Variants in LRRC4C observed in about 807,000 individuals in gnomAD.
LRRC4C encodes leucine rich repeat containing 4C.
Under a neutral mutation model 33.6 loss-of-function variants are expected in LRRC4C, and 5 were observed. The observed-to-expected ratio is 0.15, with a 90% CI of 0.08 to 0.31. The LOEUF is 0.31. Ranked by LOEUF, LRRC4C falls within the 10% of genes least tolerant of loss-of-function variation. The pLI is 1.00. For missense variants in LRRC4C, 560 were observed against 796.7 expected (o/e 0.70, Z 3.58); for synonymous variants, 329 against 302.0 (o/e 1.09, Z -0.93).
intron 3 of LRRC4C, among the ~76,000 whole-genome samples, chr11:40,499,361 C>T (rs769811304): frequency 6.6e-6 from 1 of 152,156 alleles, no homozygotes; most frequent in African/African-American, 2.4e-5. Context: ...AAGCATCCTG[C>T]TCAGCAAGTA....
Position 40,820,631 on chromosome 11 carries a change from C to T in LRRC4C, c.-407+113004G>A, listed in dbSNP as rs564077930. Among the ~76,000 whole-genome samples, 232 of 151,876 alleles carry T rather than the reference C, an allele frequency of 1.5e-3. 2 individuals carry two copies. The highest frequency in any genetic ancestry group is 5.4e-3 in the African/African-American group (224 of 41,522). On this transcript the variant is annotated intron_variant, in intron 2 of 6. Transcript: ENST00000528697. ...TTATAAGTGCAGCAAAAGCATTTAA[C>T]AATATCTAACATTTATTCATTTTAA...
At chr11:40,716,554 G>A (rs2067955997) in intron 2 of LRRC4C, among the ~76,000 whole-genome samples, 3 of 152,068 alleles carry the variant, frequency 2.0e-5, no homozygotes, top group Admixed American at 1.3e-4. Flanking sequence ...GAAGTTGGAG[G>A]TATGTCAAGA....
intron 5 of LRRC4C, among the ~76,000 whole-genome samples, chr11:40,222,784 AT>A (rs773975458): frequency 1.8e-4 from 27 of 152,358 alleles, no homozygotes; most frequent in Middle Eastern, 3.4e-3. Flanking sequence ...GGCAAGCACC[AT>A]GCAGGCTTAG....
At chr11:40,394,308 C>G (rs1949453419) in intron 3 of LRRC4C, among the ~76,000 whole-genome samples, 2 of 152,082 alleles carry the variant, frequency 1.3e-5, no homozygotes, top group African/African-American at 4.8e-5. Flanking sequence ...ATCTTCCTGG[C>G]AGAATAACTT....
At chr11:40,516,021 C>T (rs1393949282) in intron 3 of LRRC4C, among the ~76,000 whole-genome samples, 2 of 151,908 alleles carry the variant, frequency 1.3e-5, no homozygotes, top group African/African-American at 2.4e-5. Context: ...GAGATTATAT[C>T]CTCAGTTACA....
intron 1 of LRRC4C, among the ~76,000 whole-genome samples, chr11:41,286,333 T>C (rs928629846): frequency 2.0e-5 from 3 of 152,294 alleles, no homozygotes; most frequent in East Asian, 3.9e-4. Context: ...AGTGCTAAAT[T>C]TGAAATTGAG....
chr11:40,733,061 G>GTTTTTTTTTTT (rs544471413), intron 2 of LRRC4C, among the ~76,000 whole-genome samples: 1 of 57,640 alleles, frequency 1.7e-5, no homozygotes, highest in African/African-American at 7.1e-5. Context: ...TATGAATATA[G>GTTTTTTTTTTT]TTTTTTTTTT....
chr11:41,094,076 C>T (rs184749986), intron 1 of LRRC4C, among the ~76,000 whole-genome samples: 58 of 151,302 alleles, frequency 3.8e-4, no homozygotes, highest in African/African-American at 1.1e-3. Context: ...GAGATCACAC[C>T]ACTGCACTCC....
chr11:40,341,466 G>A (rs1257708317), intron 3 of LRRC4C, among the ~76,000 whole-genome samples: 1 of 147,208 alleles, frequency 6.8e-6, no homozygotes, highest in African/African-American at 2.5e-5. Context: ...GTCAAACACT[G>A]CATGTTCTCA....
At chr11:41,253,265 C>A (rs1948699612) in intron 1 of LRRC4C, among the ~76,000 whole-genome samples, 2 of 152,044 alleles carry the variant, frequency 1.3e-5, no homozygotes, top group African/African-American at 4.8e-5. Context: ...TGAGTAAACA[C>A]AACCACAGAA....
chr11:40,636,852 T>C (rs923120893), intron 3 of LRRC4C, among the ~76,000 whole-genome samples: 8 of 152,178 alleles, frequency 5.3e-5, no homozygotes, highest in Non-Finnish European at 7.3e-5. Context: ...TCACTCTGTC[T>C]TCTTTGGCAA....
chr11:41,446,796 T>C (rs980848), intron 1 of LRRC4C, among the ~76,000 whole-genome samples: 150,656 of 152,212 alleles, frequency 0.99, 74,576 homozygotes, highest in Middle Eastern at 1. Context: ...TTTCTATTTA[T>C]CTCAGAGAAT....
At chr11:40,558,701 T>A (rs929981241) in intron 3 of LRRC4C, among the ~76,000 whole-genome samples, 59 of 152,326 alleles carry the variant, frequency 3.9e-4, no homozygotes, top group African/African-American at 1.1e-3. Context: ...CATGATTTTT[T>A]AAAAACTTTT....
chr11:41,212,237 T>C (rs1008507741), intron 1 of LRRC4C, among the ~76,000 whole-genome samples: 7 of 152,224 alleles, frequency 4.6e-5, no homozygotes, highest in Non-Finnish European at 1.0e-4. Context: ...AGCTATATAA[T>C]GTTTTGAAAA....
chr11:40,760,347 T>C (rs1949146906), intron 2 of LRRC4C, among the ~76,000 whole-genome samples: 1 of 150,836 alleles, frequency 6.6e-6, no homozygotes, highest in African/African-American at 2.4e-5. Context: ...AAGGGAGAAC[T>C]GAGCAGTTGC....
At chr11:41,092,766 C>T (rs984399840) in intron 1 of LRRC4C, among the ~76,000 whole-genome samples, 2 of 152,186 alleles carry the variant, frequency 1.3e-5, no homozygotes, top group African/African-American at 4.8e-5. Flanking sequence ...AATAAAGAGA[C>T]TGAGCATCCA....
chr11:41,247,063 G>A (rs1174244641), intron 1 of LRRC4C, among the ~76,000 whole-genome samples: 2 of 152,226 alleles, frequency 1.3e-5, no homozygotes, highest in Non-Finnish European at 2.9e-5. Context: ...CAGCTGAAGT[G>A]CAGGGCACAG....
intron 1 of LRRC4C, among the ~76,000 whole-genome samples, chr11:41,050,048 T>C (rs571422434): frequency 3.3e-5 from 5 of 152,316 alleles, no homozygotes; most frequent in Admixed American, 6.5e-5. Context: ...AGGCTTATTA[T>C]TACCATCTCC....
intron 3 of LRRC4C, among the ~76,000 whole-genome samples, chr11:40,560,463 TG>T: frequency 6.6e-6 from 1 of 152,098 alleles, no homozygotes; most frequent in South Asian, 2.1e-4. Flanking sequence ...TGTGTGTGTG[TG>T]TGTGTTATCT....
Sources: gnomAD v4.1 joint callset for allele counts (sites outside exome capture counted in the v4.1 genomes callset) on GRCh38, gnomAD v4.1.1 for gene constraint, MANE v1.5 for transcripts, NCBI Gene and HGNC (gene_info 2026-07-23, HGNC 2026-07-21) for gene names.